The following SLFN12L variants were observed in gnomAD, a reference collection of about 807,000 sequenced individuals.
SLFN12L encodes schlafen family member 12-like.
In SLFN12L, 34 loss-of-function variants were observed where a neutral mutation model predicts 34.8. The observed-to-expected ratio is 0.98, with a 90% CI of 0.74 to 1.30. The LOEUF is 1.30. SLFN12L is among the 50% of genes most tolerant of loss of function. SLFN12L has a pLI of 0.00. For missense variants in SLFN12L, 703 were observed against 696.2 expected (o/e 1.01, Z -0.11); for synonymous variants, 259 against 247.5 (o/e 1.05, Z -0.44).
At chr17:35,498,771 G>T in intron 2 of SLFN12L, 1 of 1,061,062 alleles carries the variant, frequency 9.4e-7, no homozygotes, top group East Asian at 2.4e-5. Flanking sequence ...CAGCTATACT[G>T]CCCTGTGCAA....
intron 2 of SLFN12L, among the ~76,000 whole-genome samples, chr17:35,481,104 G>A (rs142176128): frequency 2.3e-3 from 346 of 152,320 alleles, no homozygotes; most frequent in African/African-American, 8.1e-3. Context: ...CCTTTGTTAC[G>A]CCCGGACAGG....
At chr17:35,488,821 G>C (rs1914716900) in intron 2 of SLFN12L, among the ~76,000 whole-genome samples, 2 of 152,130 alleles carry the variant, frequency 1.3e-5, no homozygotes, top group African/African-American at 2.4e-5. Flanking sequence ...TGTAATCCCA[G>C]CACTTTGGGA....
intron 2 of SLFN12L, among the ~76,000 whole-genome samples, chr17:35,495,746 C>A (rs58883999): frequency 7.2e-6 from 1 of 138,632 alleles, no homozygotes; most frequent in African/African-American, 2.7e-5. Flanking sequence ...CTTTTCGGGG[C>A]AGGCAAGGAT....
chr17:35,511,248 G>T (rs910394596), intron 2 of SLFN12L, among the ~76,000 whole-genome samples: 1 of 152,066 alleles, frequency 6.6e-6, no homozygotes, highest in Non-Finnish European at 1.5e-5. Context: ...ACAAGATTTT[G>T]TATGATATTT....
In SLFN12L at chr17:35,479,242, A is replaced by T. The variant is rs766917357; in HGVS notation, c.1040T>A (p.Leu347His). ...KGRLCGYVYALRVERFCCAVF... is the reference protein window; with the variant it reads ...KGRLCGYVYAHRVERFCCAVF... ...TGCACAGCAGAAGCGTTCCACTCTGAGTGCATACACATATCCACAAAGCCT... is the reference window on the plus strand; with the variant it reads ...TGCACAGCAGAAGCGTTCCACTCTGTGTGCATACACATATCCACAAAGCCT... The change falls in exon 3 of 5, where the codon CTC becomes CAC. Residue 347 changes from leucine to histidine, a missense_variant. Coordinates refer to ENST00000628453, the MANE Select transcript of SLFN12L (RefSeq NM_001363830.2). 11 of 1,593,430 alleles carry T rather than the reference A, an allele frequency of 6.9e-6. No homozygotes were observed. The highest frequency in any genetic ancestry group is 6.8e-6 in the Non-Finnish European group (8 of 1,168,432).
intron 2 of SLFN12L, among the ~76,000 whole-genome samples, chr17:35,504,621 T>C (rs1915408120): frequency 6.6e-6 from 1 of 152,168 alleles, no homozygotes; most frequent in Admixed American, 6.5e-5. Flanking sequence ...TTTCCAGGAT[T>C]CTACAGCCTG....
intron 2 of SLFN12L, among the ~76,000 whole-genome samples, chr17:35,517,846 T>C (rs1041601324): frequency 2.0e-5 from 3 of 152,246 alleles, no homozygotes; most frequent in African/African-American, 7.2e-5. Context: ...GCTAGCCATA[T>C]GCAGAAAACA....
rs1378647380 is a variant in SLFN12L, at chr17:35,530,498, A to AAG, written c.-606+7073_-606+7074dup. Among the ~76,000 whole-genome samples, 35 of 38,792 alleles carry AAG rather than the reference A, an allele frequency of 9.0e-4. 4 individuals carry two copies. Among genetic ancestry groups the AAG allele is most frequent in the African/African-American group, 2.1e-3 (30 of 14,280 alleles). The allele number at this position is 38,792 out of a possible 152,430, so 25.4% of individuals were successfully genotyped here. On this transcript the variant is annotated intron_variant, in intron 1 of 4. Transcript: ENST00000628453. ...AAAGAAAGAAAGAAAGAAAGAAAGA[A>AAG]AGAAAGAAAGAAAGAAAAGAAAAGA...
intron 2 of SLFN12L, among the ~76,000 whole-genome samples, chr17:35,509,549 G>A (rs1028011277): frequency 6.6e-6 from 1 of 152,070 alleles, no homozygotes; most frequent in Non-Finnish European, 1.5e-5. Context: ...ATGAGCATTT[G>A]GGGGGAAAGC....
At chr17:35,537,152 C>A (rs181950403) in intron 1 of SLFN12L, among the ~76,000 whole-genome samples, 1 of 152,230 alleles carries the variant, frequency 6.6e-6, no homozygotes, top group East Asian at 1.9e-4. Context: ...TGCACGACAG[C>A]CTGGGCGAAA....
chr17:35,471,688 T>A lies in SLFN12L; in HGVS notation c.*3235A>T, dbSNP rs59894592. Among the ~76,000 whole-genome samples the A allele has an allele frequency of 3.0e-4, 7 of 23,712 alleles. No individual in the cohort carries two copies. Among genetic ancestry groups the A allele is most frequent in the African/African-American group, 1.6e-3 (4 of 2,544 alleles). 15.6% of individuals were successfully genotyped at this position (23,712 alleles called of 152,430 possible). A position where few individuals can be genotyped will look rare whatever the true frequency, so the allele number is the denominator to read the frequency against. On this transcript the variant is annotated 3_prime_UTR_variant, in exon 5 of 5. Transcript: ENST00000628453. ...AAAGATTATTTAAAAGTTTTAAATA[T>A]TCTTTTAATAAAAGATTATTTAAAA...
rs1238797521 is a variant in SLFN12L, at chr17:35,468,829, A to G, written c.*6094T>C. Among the ~76,000 whole-genome samples, 1 of 152,142 alleles carries G rather than the reference A, an allele frequency of 6.6e-6. No individual in the cohort carries two copies. Among genetic ancestry groups the G allele is most frequent in the African/African-American group, 2.4e-5 (1 of 41,422 alleles). On this transcript the variant is annotated 3_prime_UTR_variant, in exon 5 of 5. Transcript: ENST00000628453. ...CCCAGGAGTTCAAACCAGCCTGGGC[A>G]ACATGGGGAGACCCCATCTCTACAA... is the stretch of plus-strand genomic sequence containing the variant.
At position 35,522,653 on chromosome 17, in the gene SLFN12L, G is replaced by A. The variant is rs1478185261; in HGVS notation, c.-289C>T. ...GCCTCTGCGCTGCTCTCAGGACTCA[G>A]GCAGAGGACCTTGGCCCTGACACAC... On this transcript the variant is annotated 5_prime_UTR_variant, in exon 2 of 5. Transcript: ENST00000628453. 2.5e-6 allele frequency: 4 copies of A among 1,614,046 alleles called. No individual in the cohort carries two copies. The highest frequency in any genetic ancestry group is 3.4e-6 in the Non-Finnish European group (4 of 1,179,968).
At chr17:35,532,735 A>G (rs1407045376) in intron 1 of SLFN12L, among the ~76,000 whole-genome samples, 4 of 152,012 alleles carry the variant, frequency 2.6e-5, no homozygotes, top group African/African-American at 9.7e-5. Context: ...CCTACTGAAA[A>G]TACAAAAATT....
chr17:35,499,125 T>C, intron 2 of SLFN12L: 2 of 859,192 alleles, frequency 2.3e-6, no homozygotes, highest in Non-Finnish European at 1.9e-6. Flanking sequence ...ATCAGAGTCC[T>C]GTCAAGTAGA....
At chr17:35,521,138 A>C (rs1915983641) in intron 2 of SLFN12L, among the ~76,000 whole-genome samples, 1 of 152,222 alleles carries the variant, frequency 6.6e-6, no homozygotes, top group South Asian at 2.1e-4. Flanking sequence ...AGGGCTTCTC[A>C]AAACTATCCA....
Position 35,525,725 on chromosome 17 carries a change from A to G in SLFN12L, c.-605-2756T>C, listed in dbSNP as rs182248263. On this transcript the variant is annotated intron_variant, in intron 1 of 4. Coordinates refer to ENST00000628453, the MANE Select transcript of SLFN12L (RefSeq NM_001363830.2). ...CCTGAAGGAAGCACTAAACATGGAA[A>G]GGAACAACTGGTACCAGCCACTTCA... Among the ~76,000 whole-genome samples, 1,510 of 152,330 alleles carry G rather than the reference A, an allele frequency of 9.9e-3. 10 individuals carry two copies. The highest frequency in any genetic ancestry group is 0.017 in the Non-Finnish European group (1,148 of 68,016).
intron 4 of SLFN12L, among the ~76,000 whole-genome samples, chr17:35,476,450 AAAGCAAGGAAGGAAGGAAGGAAGG>A (rs1914009189): frequency 2.4e-5 from 3 of 126,616 alleles, no homozygotes; most frequent in African/African-American, 9.0e-5. Flanking sequence ...GAAAGAAAAG[AAAGCAAGGAAGGAAGGAAGGAAGG>A]AAGGAAGGAA....
chr17:35,498,990 G>A lies in SLFN12L; in HGVS notation c.87-18795C>T, dbSNP rs553164725. On this transcript the variant is annotated intron_variant, in intron 2 of 4. Transcript: ENST00000628453. Reference sequence around the variant, plus strand: ...GGATGGGTGTCCCTCCCTCACTACCGTCTGCTTCTATAACACCTAGCAGCT... The same window carrying A: ...GGATGGGTGTCCCTCCCTCACTACCATCTGCTTCTATAACACCTAGCAGCT... 2.8e-5 allele frequency: 20 copies of A among 702,316 alleles called. No individual in the cohort carries two copies. In the East Asian group the frequency reaches 3.5e-4, roughly 12 times the overall value. 43.5% of individuals were successfully genotyped at this position (702,316 alleles called of 1,614,324 possible). A position where few individuals can be genotyped will look rare whatever the true frequency, so the allele number is the denominator to read the frequency against.
Sources: allele counts gnomAD v4.1 joint callset (sites outside exome capture counted in the v4.1 genomes callset), GRCh38; gene constraint gnomAD v4.1.1; transcripts MANE v1.5; gene names NCBI Gene and HGNC (gene_info 2026-07-23, HGNC 2026-07-21).